SLC38A2: variants seen among roughly 807,000 people sequenced by gnomAD.
The protein encoded by SLC38A2 is sodium-coupled neutral amino acid symporter 2.
In SLC38A2, 11 loss-of-function variants were observed where a neutral mutation model predicts 61.5. That is an observed-to-expected ratio of 0.18 (90% CI 0.11 to 0.30). SLC38A2 has a LOEUF of 0.30. Among genes scored for constraint, SLC38A2 ranks in the 10% least tolerant of loss-of-function variants. The pLI is 1.00. For synonymous variants in SLC38A2, 217 were observed against 212.5 expected, an observed-to-expected ratio of 1.02 and a Z score of -0.18; for missense variants, 522 against 600.4, an observed-to-expected ratio of 0.87 and a Z score of 1.36.
At chr12:46,362,734 A>C (rs1006667332) in intron 13 of SLC38A2, 96 bp from the exon 14 acceptor site, 1 of 1,292,008 alleles carries the variant, frequency 7.7e-7, no homozygotes. Context: ...CCAAGTAACA[A>C]GGAATCTATC....
chr12:46,364,216 C>G (rs1394591408), intron 10 of SLC38A2, among the ~76,000 whole-genome samples, 173 bp downstream of exon 10: 1 of 151,980 alleles, frequency 6.6e-6, no homozygotes, highest in Admixed American at 6.6e-5. Flanking sequence ...TATCTCAATT[C>G]TCAATCTATT....
At position 46,362,540 on chromosome 12, in the gene SLC38A2, T is replaced by G. The variant is rs1387857770; in HGVS notation, c.1278A>C (p.Leu426Phe). 3 of 1,599,642 alleles carry G rather than the reference T, an allele frequency of 1.9e-6. No individual in the cohort carries two copies. The Admixed American group carries it at 5.4e-5, about 29-fold the overall frequency. ...ITVSILAFTN[L>F]LVIFVPTIRD... ...TAATAGTTGGGACAAAGATGACAAG[T>G]AAATTGGTAAATGCCAAGATAGACA... The change falls in exon 14 of 16, where the codon TTA becomes TTC. Residue 426 changes from leucine (L) to phenylalanine (F), a missense_variant. Leu to Phe is a conservative substitution (Grantham distance 22). This residue lies in a region of SLC38A2 where 309 missense variants were observed against 343.9 expected (regional missense o/e 0.90). Coordinates refer to ENST00000256689, the MANE Select transcript of SLC38A2 (RefSeq NM_018976.5).
At chr12:46,371,582 C>A (rs1015025231) in intron 1 of SLC38A2, 5 of 385,942 alleles carry the variant, frequency 1.3e-5, no homozygotes, top group Non-Finnish European at 2.3e-5. Flanking sequence ...GATGCCACCG[C>A]TGTGTTGCGG....
In SLC38A2 at chr12:46,358,548, C is replaced by T. The variant is rs1324068533; in HGVS notation, c.*2563G>A. 1.3e-5 allele frequency: 2 copies of T among 152,436 alleles called. No homozygotes were observed. Among genetic ancestry groups the T allele is most frequent in the African/African-American group, 2.4e-5 (1 of 41,396 alleles). 9.4% of individuals were successfully genotyped at this position (152,436 alleles called of 1,614,324 possible). On this transcript the variant is annotated 3_prime_UTR_variant, in exon 16 of 16. Transcript: ENST00000256689. ...ACAAGTTTTTTTTAGTGTTTGTACA[C>T]AATTTGTCAATTTTTCAATATTCAA... is the stretch of plus-strand genomic sequence containing the variant.
chr12:46,367,276 T>C lies in SLC38A2; in HGVS notation c.379A>G (p.Asn127Asp), dbSNP rs540686487. The change falls in exon 5 of 16, where the codon AAT becomes GAT. Residue 127 changes from asparagine to aspartate, a missense_variant. By Grantham distance (23) the Asn-to-Asp change is conservative. Coordinates refer to ENST00000256689, the MANE Select transcript of SLC38A2 (RefSeq NM_018976.5). ...AAGAATGCTATCATACCTCCTTCAT[T>C]GGCAGTCTTCAAAAGGAGATGAACA... is the stretch of plus-strand genomic sequence containing the variant. ...YSVHLLLKTANEGGSLLYEQL... is the reference protein window; with the variant it reads ...YSVHLLLKTADEGGSLLYEQL... 12 of 1,596,960 alleles carry C rather than the reference T, an allele frequency of 7.5e-6. No individual in the cohort carries two copies. In the East Asian group the frequency reaches 2.7e-4, roughly 36 times the overall value.
intron 1 of SLC38A2, chr12:46,371,676 TTC>T (rs1339004556): frequency 4.4e-6 from 1 of 226,014 alleles, no homozygotes; most frequent in Non-Finnish European, 8.6e-6. Flanking sequence ...CGAGGGGGGG[TTC>T]TGTTTTGCTT....
intron 2 of SLC38A2, 155 bp downstream of exon 2, chr12:46,371,023 T>C: frequency 1.2e-6 from 1 of 835,530 alleles, no homozygotes; most frequent in Non-Finnish European, 2.0e-6. Context: ...CCAGCTATCT[T>C]GTCATTACAA....
rs1194433128 is a variant in SLC38A2, at chr12:46,371,242, T to C, written c.52A>G (p.Ser18Gly). 6.2e-7 allele frequency: 1 copy of C among 1,614,256 alleles called. No homozygotes were observed. The highest frequency in any genetic ancestry group is 2.2e-5 in the East Asian group (1 of 44,884). ...RFSISPDEDS[S>G]SYSSNSDFNY... is the part of the protein sequence containing the mutation. ...AAGTCGCTGTTGGAACTGTAGCTGC[T>C]GCTGTCTTCATCCGGGGAAATACTG... The change falls in exon 2 of 16, where the codon AGC becomes GGC. Residue 18 changes from serine (S) to glycine (G), a missense_variant. By Grantham distance (56) the Ser-to-Gly change is moderately conservative. Coordinates refer to ENST00000256689, the MANE Select transcript of SLC38A2 (RefSeq NM_018976.5).
Position 46,360,380 on chromosome 12 carries a change from TAATC to T in SLC38A2, c.*727_*730del, listed in dbSNP as rs1943068057. 1 of 152,216 alleles carries T rather than the reference TAATC, an allele frequency of 6.6e-6. No homozygotes were observed. Among genetic ancestry groups the T allele is most frequent in the African/African-American group, 2.4e-5 (1 of 41,456 alleles). 9.4% of individuals were successfully genotyped at this position (152,216 alleles called of 1,614,324 possible). A position where few individuals can be genotyped will look rare whatever the true frequency, so the allele number is the denominator to read the frequency against. On this transcript the variant is annotated 3_prime_UTR_variant, in exon 16 of 16. Transcript: ENST00000256689. ...GAGTTCATCTGATTTGGTATAGCAA[TAATC>T]AATCATCTTTTAAGTAATGGTGACG...
chr12:46,370,638 G>A lies in SLC38A2; in HGVS notation c.199-11C>T, dbSNP rs1401786883. The A allele has an allele frequency of 6.3e-7, 1 of 1,599,702 alleles. No individual in the cohort carries two copies. Among genetic ancestry groups the A allele is most frequent in the Non-Finnish European group, 8.6e-7 (1 of 1,167,254 alleles). ...AGTAGTACCTGGATGCTACATAGAG[G>A]GAAAACGATAACCAAACATATAACA... On this transcript the variant is annotated splice_polypyrimidine_tract_variant and intron_variant, in intron 3 of 15. Transcript: ENST00000256689.
At position 46,360,395 on chromosome 12, in the gene SLC38A2, T is replaced by C. The variant is rs895229303; in HGVS notation, c.*716A>G. 1 of 152,226 alleles carries C rather than the reference T, an allele frequency of 6.6e-6. No homozygotes were observed. Among genetic ancestry groups the C allele is most frequent in the Admixed American group, 6.5e-5 (1 of 15,272 alleles). The allele number at this position is 152,226 out of a possible 1,614,324, so 9.4% of individuals were successfully genotyped here. On this transcript the variant is annotated 3_prime_UTR_variant, in exon 16 of 16. Coordinates refer to ENST00000256689, the MANE Select transcript of SLC38A2 (RefSeq NM_018976.5). ...GGTATAGCAATAATCAATCATCTTT[T>C]AAGTAATGGTGACGTTTAAATGGAA...
chr12:46,371,532 G>A (rs1943200798), intron 1 of SLC38A2, 153 bp from the exon 2 acceptor site: 1 of 497,044 alleles, frequency 2.0e-6, no homozygotes, highest in East Asian at 3.8e-5. Flanking sequence ...GCCGAGGGGC[G>A]GAAAAGTACA....
At chr12:46,369,228 G>A (rs1276611419) in intron 4 of SLC38A2, among the ~76,000 whole-genome samples, 4 of 152,072 alleles carry the variant, frequency 2.6e-5, no homozygotes, top group South Asian at 2.1e-4. Context: ...TCAAATATTC[G>A]ACAGTGATGC....
intron 15 of SLC38A2, chr12:46,361,967 T>TC: frequency 4.7e-6 from 1 of 213,452 alleles, no homozygotes; most frequent in Non-Finnish European, 9.3e-6. Flanking sequence ...TAAGTGCCTG[T>TC]CACACAGTAG....
At position 46,371,468 on chromosome 12, in the gene SLC38A2, A is replaced by C. The variant is rs1014372112; in HGVS notation, c.-86-89T>G. 3.1e-5 allele frequency: 18 copies of C among 586,780 alleles called. No individual in the cohort carries two copies. In the East Asian group the frequency reaches 4.5e-4, roughly 15 times the overall value. The allele number at this position is 586,780 out of a possible 1,614,324, so 36.3% of individuals were successfully genotyped here. A position where few individuals can be genotyped will look rare whatever the true frequency, so the allele number is the denominator to read the frequency against. On this transcript the variant is annotated intron_variant, in intron 1 of 15. Transcript: ENST00000256689. ...CCCGGAGGCGCAGCGCGGCTGATTCATCCCAGGCCAGGCGAGTGGAAAAGT... is the reference window on the plus strand; with the variant it reads ...CCCGGAGGCGCAGCGCGGCTGATTCCTCCCAGGCCAGGCGAGTGGAAAAGT...
chr12:46,364,806 G>A (rs1943122658), intron 8 of SLC38A2, 104 bp from the exon 9 acceptor site: 1 of 1,101,632 alleles, frequency 9.1e-7, no homozygotes, highest in Non-Finnish European at 1.3e-6. Flanking sequence ...AAGACTTTAG[G>A]CACTAAAGTA....
intron 13 of SLC38A2, 31 bp from the exon 14 acceptor site, chr12:46,362,669 A>T (rs1943094803): frequency 6.5e-7 from 1 of 1,544,536 alleles, no homozygotes; most frequent in East Asian, 2.4e-5. Context: ...ATGTATTTTA[A>T]AAATAGCAGC....
chr12:46,368,618 C>A (rs1315106614), intron 4 of SLC38A2, among the ~76,000 whole-genome samples: 1 of 152,202 alleles, frequency 6.6e-6, no homozygotes, highest in African/African-American at 2.4e-5. Flanking sequence ...TATGAACAAA[C>A]TGCACGCAGT....
intron 10 of SLC38A2, 48 bp from the exon 11 acceptor site, chr12:46,364,051 G>A (rs1295027379): frequency 6.8e-7 from 1 of 1,464,358 alleles, no homozygotes; most frequent in Non-Finnish European, 9.3e-7. Context: ...ACGAACTCAT[G>A]CTGTCACATT....
Sources: allele counts gnomAD v4.1 joint callset (sites outside exome capture counted in the v4.1 genomes callset), GRCh38; gene constraint gnomAD v4.1.1; regional missense constraint gnomAD v4.1.1; transcripts MANE v1.5; gene names NCBI Gene and HGNC (gene_info 2026-07-23, HGNC 2026-07-21).